The following AUTS2 variants were observed in gnomAD, a reference collection of about 807,000 sequenced individuals.
The protein encoded by AUTS2 is activator of transcription and developmental regulator AUTS2, also known as autism susceptibility gene 2 protein.
Under a neutral mutation model 112.4 loss-of-function variants are expected in AUTS2, and 17 were observed. The ratio of observed to expected loss-of-function variants is 0.15; its 90% CI spans 0.10 to 0.23. AUTS2 has a LOEUF of 0.23. AUTS2 is among the 10% of genes least tolerant of loss of function. The pLI, the probability that AUTS2 is intolerant of heterozygous loss-of-function variation, is 1.00. For synonymous variants in AUTS2, 751 were observed against 702.7 expected, an observed-to-expected ratio of 1.07 and a Z score of -1.09; for missense variants, 1,510 against 1,701.6, an observed-to-expected ratio of 0.89 and a Z score of 1.98.
intron 2 of AUTS2, among the ~76,000 whole-genome samples, chr7:70,067,702 A>G (rs1004818266): frequency 2.0e-5 from 3 of 152,118 alleles, no homozygotes; most frequent in East Asian, 1.9e-4. Context: ...AAGAAATGAA[A>G]TTAGCTGGGA....
intron 6 of AUTS2, among the ~76,000 whole-genome samples, chr7:70,741,204 A>AT (rs1204582869): frequency 6.6e-6 from 1 of 152,100 alleles, no homozygotes; most frequent in Non-Finnish European, 1.5e-5. Flanking sequence ...AATTTCCCTA[A>AT]TTTTATAGTC....
At chr7:70,100,150 C>T (rs879296337) in intron 2 of AUTS2, among the ~76,000 whole-genome samples, 1 of 152,164 alleles carries the variant, frequency 6.6e-6, no homozygotes, top group African/African-American at 2.4e-5. Flanking sequence ...AATGCTGTAT[C>T]TCTTATTCAA....
chr7:69,920,872 T>C (rs1358173895), intron 2 of AUTS2, among the ~76,000 whole-genome samples: 3 of 152,214 alleles, frequency 2.0e-5, no homozygotes, highest in Non-Finnish European at 4.4e-5. Flanking sequence ...TTTCCAGGGC[T>C]TCACCTCTGG....
At chr7:70,553,917 G>A (rs772072495) in intron 5 of AUTS2, among the ~76,000 whole-genome samples, 26 of 146,820 alleles carry the variant, frequency 1.8e-4, no homozygotes, top group Non-Finnish European at 3.3e-4. Context: ...ACAGGCACGC[G>A]CCACCACACC....
rs114628476 is a variant in AUTS2, at chr7:70,448,532, C to G, written c.690+12751C>G. Among the ~76,000 whole-genome samples, 35 of 152,320 alleles carry G rather than the reference C, an allele frequency of 2.3e-4. No homozygotes were observed. In the South Asian group the frequency reaches 6.4e-3, roughly 28 times the overall value. ...GTCCAGGGGATTGACCTTAGTTTCT[C>G]CTCTAGCCTTAGATCCAATCACTCA... On this transcript the variant is annotated intron_variant, in intron 5 of 18. Coordinates refer to ENST00000342771, the MANE Select transcript of AUTS2 (RefSeq NM_015570.4).
At chr7:70,550,821 G>A (rs2129518876) in intron 5 of AUTS2, among the ~76,000 whole-genome samples, 1 of 152,276 alleles carries the variant, frequency 6.6e-6, no homozygotes, top group South Asian at 2.1e-4. Flanking sequence ...GAGATGGCCT[G>A]AAAGAAACGG....
chr7:70,211,341 T>A (rs996047671), intron 4 of AUTS2, among the ~76,000 whole-genome samples: 1 of 145,860 alleles, frequency 6.9e-6, no homozygotes, highest in Non-Finnish European at 1.5e-5. Flanking sequence ...ATTTTTTTTT[T>A]TTTTTTTAAA....
At position 70,680,722 on chromosome 7, in the gene AUTS2, G is replaced by A. The variant is rs536550196; in HGVS notation, c.691-17847G>A. Among the ~76,000 whole-genome samples the A allele has an allele frequency of 3.9e-5, 6 of 152,250 alleles. No individual in the cohort carries two copies. In the East Asian group the frequency reaches 5.8e-4, roughly 15 times the overall value. On this transcript the variant is annotated intron_variant, in intron 5 of 18. Transcript: ENST00000342771. ...CCTAGTAGAATGTTGTTTGTGGCCC[G>A]ATCTTTGTATAAGAAGGAAAACATC...
intron 5 of AUTS2, among the ~76,000 whole-genome samples, chr7:70,475,953 C>T (rs1797566665): frequency 6.6e-6 from 1 of 152,078 alleles, no homozygotes; most frequent in Non-Finnish European, 1.5e-5. Flanking sequence ...TGTTAGAGCC[C>T]AGGAGGTGAA....
intron 13 of AUTS2, chr7:70,776,773 A>T: frequency 2.6e-6 from 1 of 388,032 alleles, no homozygotes; most frequent in East Asian, 6.0e-5. Context: ...CCACTCTACC[A>T]GGTCTGCCAG....
At chr7:70,686,178 G>A (rs1808467196) in intron 5 of AUTS2, among the ~76,000 whole-genome samples, 1 of 152,162 alleles carries the variant, frequency 6.6e-6, no homozygotes, top group Non-Finnish European at 1.5e-5. Context: ...AAACTAAGAG[G>A]GGCTGCTAGA....
chr7:70,420,235 AG>A (rs1795162159), intron 4 of AUTS2, among the ~76,000 whole-genome samples: 1 of 152,210 alleles, frequency 6.6e-6, no homozygotes, highest in Non-Finnish European at 1.5e-5. Flanking sequence ...GCAGACAACG[AG>A]CATGCCTGTT....
At chr7:70,752,306 A>C (rs914596104) in intron 6 of AUTS2, among the ~76,000 whole-genome samples, 1 of 152,066 alleles carries the variant, frequency 6.6e-6, no homozygotes, top group Non-Finnish European at 1.5e-5. Context: ...TTTCTCCGAA[A>C]CCAATATTTG....
At chr7:70,563,716 T>C (rs1463920157) in intron 5 of AUTS2, among the ~76,000 whole-genome samples, 2 of 152,102 alleles carry the variant, frequency 1.3e-5, no homozygotes, top group Non-Finnish European at 2.9e-5. Context: ...GCGGTGGAAA[T>C]TGAGAAACTG....
At chr7:70,243,443 C>T (rs1800461230) in intron 4 of AUTS2, among the ~76,000 whole-genome samples, 1 of 151,808 alleles carries the variant, frequency 6.6e-6, no homozygotes, top group South Asian at 2.1e-4. Flanking sequence ...TTTTGGGGGT[C>T]CAGGATTTCT....
At chr7:70,378,702 T>A (rs1793230522) in intron 4 of AUTS2, among the ~76,000 whole-genome samples, 1 of 152,266 alleles carries the variant, frequency 6.6e-6, no homozygotes, top group South Asian at 2.1e-4. Context: ...CCTCATTATA[T>A]TCCCAGCATG....
At chr7:70,640,374 C>T (rs1356464550) in intron 5 of AUTS2, among the ~76,000 whole-genome samples, 1 of 121,846 alleles carries the variant, frequency 8.2e-6, no homozygotes, top group Non-Finnish European at 1.6e-5. Flanking sequence ...ACACTTGACT[C>T]ATTTAGAACA....
intron 4 of AUTS2, among the ~76,000 whole-genome samples, chr7:70,176,018 A>G (rs1157675796): frequency 2.0e-5 from 3 of 152,156 alleles, no homozygotes; most frequent in Non-Finnish European, 2.9e-5. Flanking sequence ...TATCTCACAT[A>G]AAGGCTGATA....
At chr7:70,385,022 G>T (rs1458427400) in intron 4 of AUTS2, among the ~76,000 whole-genome samples, 1 of 152,152 alleles carries the variant, frequency 6.6e-6, no homozygotes, top group African/African-American at 2.4e-5. Flanking sequence ...GCGTTTCTAG[G>T]ATGAGGAGGT....
Sources: gnomAD v4.1 joint callset for allele counts (sites outside exome capture counted in the v4.1 genomes callset) on GRCh38, gnomAD v4.1.1 for gene constraint, MANE v1.5 for transcripts, NCBI Gene and HGNC (gene_info 2026-07-23, HGNC 2026-07-21) for gene names.